Variants in CDH9 observed in about 807,000 individuals in gnomAD.
The protein encoded by CDH9 is cadherin 9, also known as cadherin-9.
Under a neutral mutation model 70.9 loss-of-function variants are expected in CDH9, and 28 were observed. The ratio of observed to expected loss-of-function variants is 0.40; its 90% CI spans 0.29 to 0.54. The LOEUF (loss-of-function observed/expected upper bound fraction) is 0.54, where lower values mean the gene tolerates loss of function less well. Among genes scored for constraint, CDH9 ranks in the 20% least tolerant of loss-of-function variants. The pLI is 0.59. For missense variants in CDH9, 874 were observed against 984.4 expected, an observed-to-expected ratio of 0.89 and a Z score of 1.50; for synonymous variants, 409 against 343.1, an observed-to-expected ratio of 1.19 and a Z score of -2.12.
intron 2 of CDH9, among the ~76,000 whole-genome samples, chr5:26,949,874 G>A (rs1741815145): frequency 6.6e-6 from 1 of 152,180 alleles, no homozygotes; most frequent in Non-Finnish European, 1.5e-5. Context: ...AACTTTAGCA[G>A]AGGTCTCAAA....
At chr5:26,890,755 A>G in intron 7 of CDH9, 191 bp from the exon 8 acceptor site, 1 of 553,722 alleles carries the variant, frequency 1.8e-6, no homozygotes. Flanking sequence ...CTTTCTACTT[A>G]CTATATTATC....
intron 9 of CDH9, among the ~76,000 whole-genome samples, chr5:26,886,977 G>C (rs547542245): frequency 6.6e-6 from 1 of 152,144 alleles, no homozygotes; most frequent in Admixed American, 6.6e-5. Context: ...GTCTAACATT[G>C]TGTGGTGAAA....
In CDH9 at chr5:26,903,837, T is replaced by A. The variant is rs770420633; in HGVS notation, c.812-13A>T. Reference sequence around the variant, plus strand: ...AATTGATACGTACCTATAAATTAAGTAAGAGCTGTTTTGACATTTCATCTT... The same window carrying A: ...AATTGATACGTACCTATAAATTAAGAAAGAGCTGTTTTGACATTTCATCTT... On this transcript the variant is annotated splice_polypyrimidine_tract_variant and intron_variant, in intron 5 of 11. Coordinates refer to ENST00000231021, the MANE Select transcript of CDH9 (RefSeq NM_016279.4). The A allele has an allele frequency of 7.1e-7, 1 of 1,411,690 alleles. No homozygotes were observed. Among genetic ancestry groups the A allele is most frequent in the African/African-American group, 1.5e-5 (1 of 68,322 alleles). 87.4% of individuals were successfully genotyped at this position (1,411,690 alleles called of 1,614,324 possible).
intron 1 of CDH9, among the ~76,000 whole-genome samples, chr5:27,024,448 A>G (rs1743189069): frequency 6.6e-6 from 1 of 152,108 alleles, no homozygotes; most frequent in Admixed American, 6.6e-5. Context: ...ATTTGGAGGT[A>G]TAATTATGTT....
intron 1 of CDH9, among the ~76,000 whole-genome samples, chr5:27,013,101 C>A (rs1461059203): frequency 1.3e-5 from 2 of 151,848 alleles, no homozygotes; most frequent in East Asian, 1.9e-4. Flanking sequence ...ATTAAGGCAG[C>A]TCCAGGGCCC....
chr5:26,998,646 G>A (rs993089727), intron 1 of CDH9, among the ~76,000 whole-genome samples: 1 of 151,888 alleles, frequency 6.6e-6, no homozygotes, highest in East Asian at 1.9e-4. Flanking sequence ...TGAGTTACTG[G>A]GTGCAGCACA....
chr5:26,909,602 T>A (rs1037850240), intron 3 of CDH9, among the ~76,000 whole-genome samples: 1 of 151,316 alleles, frequency 6.6e-6, no homozygotes, highest in East Asian at 1.9e-4. Context: ...TAGTTACATA[T>A]GTATACATGT....
chr5:26,950,304 G>A (rs867952065), intron 2 of CDH9, among the ~76,000 whole-genome samples: 2 of 152,152 alleles, frequency 1.3e-5, no homozygotes, highest in Non-Finnish European at 2.9e-5. Flanking sequence ...ATCTCAGTGC[G>A]TGGAAGTGTA....
chr5:26,932,181 G>C (rs1206963145), intron 2 of CDH9, among the ~76,000 whole-genome samples: 1 of 151,736 alleles, frequency 6.6e-6, no homozygotes, highest in African/African-American at 2.4e-5. Flanking sequence ...AATCTTAAAA[G>C]CATCCAAGGA....
At chr5:26,963,542 C>G (rs1742075958) in intron 2 of CDH9, among the ~76,000 whole-genome samples, 1 of 151,680 alleles carries the variant, frequency 6.6e-6, no homozygotes, top group South Asian at 2.1e-4. Context: ...CAAATGAATA[C>G]ATAAGTGAGT....
At chr5:26,952,217 G>T (rs938166483) in intron 2 of CDH9, among the ~76,000 whole-genome samples, 1 of 149,672 alleles carries the variant, frequency 6.7e-6, no homozygotes, top group African/African-American at 2.4e-5. Flanking sequence ...GCCTGCCTTG[G>T]CCTCCTAAAG....
chr5:26,896,504 TAGAATAGAATGAAATGAAAATTTCATTTC>T, intron 7 of CDH9, among the ~76,000 whole-genome samples: 1 of 151,544 alleles, frequency 6.6e-6, no homozygotes, highest in Non-Finnish European at 1.5e-5. Flanking sequence ...CATTTCATTA[TAGAATAGAATGAAATGAAAATTTCATTTC>T]ATTATACAAT....
intron 1 of CDH9, among the ~76,000 whole-genome samples, chr5:26,989,647 G>A (rs1442843723): frequency 6.6e-6 from 1 of 151,700 alleles, no homozygotes; most frequent in African/African-American, 2.4e-5. Flanking sequence ...ATTTCAAAAA[G>A]CAACTGATAG....
chr5:26,921,539 A>G (rs1741243724), intron 2 of CDH9, among the ~76,000 whole-genome samples: 1 of 152,188 alleles, frequency 6.6e-6, no homozygotes, highest in Non-Finnish European at 1.5e-5. Flanking sequence ...CTGGACAAAC[A>G]AAAAGGTGGA....
intron 1 of CDH9, among the ~76,000 whole-genome samples, chr5:27,025,249 G>A (rs896464816): frequency 6.6e-6 from 1 of 152,016 alleles, no homozygotes; most frequent in African/African-American, 2.4e-5. Flanking sequence ...TGAGTAACAC[G>A]CTGACAGATA....
chr5:26,992,604 G>A (rs1209987785), intron 1 of CDH9, among the ~76,000 whole-genome samples: 1 of 152,156 alleles, frequency 6.6e-6, no homozygotes, highest in African/African-American at 2.4e-5. Context: ...AGTACCAGAA[G>A]TGGGTTGCTA....
intron 7 of CDH9, among the ~76,000 whole-genome samples, chr5:26,895,053 G>A (rs553261375): frequency 7.0e-4 from 107 of 152,026 alleles, no homozygotes; most frequent in African/African-American, 2.4e-3. Flanking sequence ...CTCAATTATA[G>A]ACACCAGAAT....
chr5:27,011,662 TATA>T (rs1353281641), intron 1 of CDH9, among the ~76,000 whole-genome samples: 8 of 152,210 alleles, frequency 5.3e-5, no homozygotes, highest in African/African-American at 1.9e-4. Flanking sequence ...ATTATTCATG[TATA>T]ATATTTCCTT....
At chr5:27,010,915 G>A (rs905536288) in intron 1 of CDH9, among the ~76,000 whole-genome samples, 1 of 152,084 alleles carries the variant, frequency 6.6e-6, no homozygotes, top group African/African-American at 2.4e-5. Context: ...CAGGGAGGCT[G>A]ATAACACTTT....
Sources: gnomAD v4.1 joint callset for allele counts (sites outside exome capture counted in the v4.1 genomes callset) on GRCh38, gnomAD v4.1.1 for gene constraint, MANE v1.5 for transcripts, NCBI Gene and HGNC (gene_info 2026-07-23, HGNC 2026-07-21) for gene names.